Variants in COBLL1 observed in about 807,000 individuals in gnomAD.
COBLL1 encodes the protein cordon-bleu protein-like 1.
Under a neutral mutation model 94.8 loss-of-function variants are expected in COBLL1, and 50 were observed. That is an observed-to-expected ratio of 0.53 (90% confidence interval 0.42 to 0.67). The LOEUF (loss-of-function observed/expected upper bound fraction) is 0.67, where lower values mean the gene tolerates loss of function less well. Among genes scored for constraint, COBLL1 ranks in the 30% least tolerant of loss-of-function variants. The pLI, the probability that COBLL1 is intolerant of heterozygous loss-of-function variation, is 0.00. For synonymous variants in COBLL1, 448 were observed against 473.8 expected, an observed-to-expected ratio of 0.95 and a Z score of 0.71; for missense variants, 1,362 against 1,348.7, an observed-to-expected ratio of 1.01 and a Z score of -0.15.
intron 2 of COBLL1, among the ~76,000 whole-genome samples, chr2:164,788,014 C>T (rs168546): frequency 0.27 from 41,429 of 151,948 alleles, 6,044 homozygotes; most frequent in African/African-American, 0.37. Flanking sequence ...GATGCTTCCC[C>T]GGCCTCCGTT....
At chr2:164,786,400 T>G (rs961813685) in intron 2 of COBLL1, among the ~76,000 whole-genome samples, 1 of 152,108 alleles carries the variant, frequency 6.6e-6, no homozygotes, top group African/African-American at 2.4e-5. Context: ...AGTCACATGC[T>G]GGAGGAGGTG....
chr2:164,728,986 C>T (rs920016851), intron 4 of COBLL1, among the ~76,000 whole-genome samples: 8 of 151,830 alleles, frequency 5.3e-5, no homozygotes, highest in Admixed American at 4.6e-4. Flanking sequence ...AAAACTAAGA[C>T]CCTTTGTATA....
intron 2 of COBLL1, among the ~76,000 whole-genome samples, chr2:164,791,679 T>C (rs1474305358): frequency 2.0e-5 from 3 of 152,152 alleles, no homozygotes; most frequent in Admixed American, 1.3e-4. Context: ...CCACCATGTG[T>C]AGTGCTGTCT....
Position 164,818,630 on chromosome 2 carries a change from G to A in COBLL1, c.41+22526C>T, listed in dbSNP as rs190650276. Among the ~76,000 whole-genome samples, 330 of 140,890 alleles carry A rather than the reference G, an allele frequency of 2.3e-3. 3 individuals carry two copies. Among genetic ancestry groups the A allele is most frequent in the South Asian group, 6.6e-3 (31 of 4,676 alleles). The allele number at this position is 140,890 out of a possible 152,430, so 92.4% of individuals were successfully genotyped here. A position where few individuals can be genotyped will look rare whatever the true frequency, so the allele number is the denominator to read the frequency against. On this transcript the variant is annotated intron_variant, in intron 2 of 13. Transcript: ENST00000652658. Reference sequence around the variant, plus strand: ...GTGTACATATGTACACATATATGGCGTATATGTACATATGTAAACATATAT... The same window carrying A: ...GTGTACATATGTACACATATATGGCATATATGTACATATGTAAACATATAT...
chr2:164,793,318 CAA>C (rs201808950), intron 2 of COBLL1, among the ~76,000 whole-genome samples: 1 of 111,402 alleles, frequency 9.0e-6, no homozygotes. Flanking sequence ...CAAAACAAAG[CAA>C]AAAAAAAAAA....
At chr2:164,832,174 G>A (rs1187800240) in intron 2 of COBLL1, among the ~76,000 whole-genome samples, 17 of 152,172 alleles carry the variant, frequency 1.1e-4, no homozygotes, top group Non-Finnish European at 1.5e-5. Flanking sequence ...TTCGAGAGAT[G>A]GAATCCTCAA....
intron 3 of COBLL1, among the ~76,000 whole-genome samples, chr2:164,740,727 A>G (rs1686545170): frequency 6.6e-6 from 1 of 152,204 alleles, no homozygotes; most frequent in African/African-American, 2.4e-5. Flanking sequence ...CATACATTGC[A>G]GCATAGAACA....
chr2:164,694,083 A>G (rs1394523154), intron 12 of COBLL1, among the ~76,000 whole-genome samples, 186 bp downstream of exon 12: 2 of 152,184 alleles, frequency 1.3e-5, no homozygotes, highest in Non-Finnish European at 1.5e-5. Context: ...TAAACAAGTT[A>G]TATAAGTTAT....
At chr2:164,714,220 A>T (rs1685052033) in intron 7 of COBLL1, among the ~76,000 whole-genome samples, 1 of 151,700 alleles carries the variant, frequency 6.6e-6, no homozygotes, top group Non-Finnish European at 1.5e-5. Flanking sequence ...AGTTTTTTCC[A>T]TTTGTCTTCC....
intron 13 of COBLL1, chr2:164,687,842 T>A (rs1683385793): frequency 3.4e-6 from 1 of 294,848 alleles, no homozygotes; most frequent in African/African-American, 2.1e-5. Context: ...AATTATTTTG[T>A]AATCCTTGCC....
At chr2:164,783,888 C>G (rs568146794) in intron 2 of COBLL1, among the ~76,000 whole-genome samples, 1 of 152,190 alleles carries the variant, frequency 6.6e-6, no homozygotes, top group South Asian at 2.1e-4. Flanking sequence ...ATTGCTTGAG[C>G]CTGGGAGATC....
At chr2:164,787,568 G>A (rs559715948) in intron 2 of COBLL1, among the ~76,000 whole-genome samples, 1 of 152,068 alleles carries the variant, frequency 6.6e-6, no homozygotes, top group Admixed American at 6.5e-5. Context: ...AAGGCTGGGG[G>A]AAAAAATAAG....
At chr2:164,767,063 G>A (rs1395573504) in intron 2 of COBLL1, among the ~76,000 whole-genome samples, 1 of 152,216 alleles carries the variant, frequency 6.6e-6, no homozygotes, top group Non-Finnish European at 1.5e-5. Flanking sequence ...GAAAGATGTA[G>A]TGGGTACAAT....
At chr2:164,751,377 A>C (rs766468569) in intron 2 of COBLL1, among the ~76,000 whole-genome samples, 14 of 151,602 alleles carry the variant, frequency 9.2e-5, no homozygotes, top group Non-Finnish European at 1.8e-4. Flanking sequence ...GGGGTTCTCT[A>C]TGAGCATTTT....
At chr2:164,830,378 T>C (rs959724265) in intron 2 of COBLL1, among the ~76,000 whole-genome samples, 5 of 152,180 alleles carry the variant, frequency 3.3e-5, no homozygotes, top group African/African-American at 1.2e-4. Context: ...GATCAAAAAT[T>C]GTAGTACATA....
Position 164,722,137 on chromosome 2 carries a change from G to C in COBLL1, c.934C>G (p.His312Asp), listed in dbSNP as rs974325152. The C allele has an allele frequency of 1.2e-6, 2 of 1,614,064 alleles. No individual in the cohort carries two copies. Among genetic ancestry groups the C allele is most frequent in the East Asian group, 4.5e-5 (2 of 44,858 alleles). Residue 312 changes from histidine (H) to aspartate (D), a missense_variant, in exon 7 of 14, where the codon CAC becomes GAC. His to Asp is a moderately conservative substitution (Grantham distance 81). Coordinates refer to ENST00000652658, the MANE Select transcript of COBLL1 (RefSeq NM_001365672.2). The stretch of plus-strand genomic sequence containing the variant: ...CAAGAAGCAGGCCTCTCCTGGATGT[G>C]TGCAAGGTCTTGGGGGACACTCTGA... ...ASQSVPQDLAHIQERPASCIV... is the reference protein window; with the variant it reads ...ASQSVPQDLADIQERPASCIV...
chr2:164,661,611 C>G (rs1165646970), intron 2 of COBLL1, among the ~76,000 whole-genome samples: 1 of 152,106 alleles, frequency 6.6e-6, no homozygotes, highest in African/African-American at 2.4e-5. Flanking sequence ...CAGAAGTTCA[C>G]TGATTACTAT....
At position 164,743,778 on chromosome 2, in the gene COBLL1, T is replaced by C. The variant is rs768981698; in HGVS notation, c.139A>G (p.Met47Val). The C allele has an allele frequency of 1.2e-6, 2 of 1,613,420 alleles. No individual in the cohort carries two copies. Among genetic ancestry groups the C allele is most frequent in the Admixed American group, 1.7e-5 (1 of 59,952 alleles). Residue 47 changes from methionine (M) to valine (V), a missense_variant, in exon 3 of 14, where the codon ATG (methionine) becomes GTG (valine). Physicochemically the swap from Met to Val is conservative, Grantham distance 21 (BLOSUM62 1). Coordinates refer to ENST00000652658, the MANE Select transcript of COBLL1 (RefSeq NM_001365672.2). ...TCTATCATGTTTTCTTTCTGTTCCA[T>C]GATGAAAGCAGTGGATTCTACAGAA... Reference protein sequence around the residue: ...ADSVESTAFIMEQKENMIDKD... With the variant: ...ADSVESTAFIVEQKENMIDKD...
At chr2:164,818,729 A>G (rs1329558760) in intron 2 of COBLL1, among the ~76,000 whole-genome samples, 1 of 148,764 alleles carries the variant, frequency 6.7e-6, no homozygotes, top group Non-Finnish European at 1.5e-5. Context: ...ATATATATGT[A>G]CTTATGTAAA....
Sources: allele counts gnomAD v4.1 joint callset (sites outside exome capture counted in the v4.1 genomes callset), GRCh38; gene constraint gnomAD v4.1.1; transcripts MANE v1.5; gene names NCBI Gene and HGNC (gene_info 2026-07-23, HGNC 2026-07-21).